NEK11: variants seen among roughly 807,000 people sequenced by gnomAD.
NEK11 encodes serine/threonine-protein kinase Nek11.
Under a neutral mutation model 80.7 loss-of-function variants are expected in NEK11, and 72 were observed. The observed-to-expected ratio is 0.89, with a 90% confidence interval of 0.74 to 1.08. The LOEUF (loss-of-function observed/expected upper bound fraction) is 1.08, where lower values mean the gene tolerates loss of function less well. Ranked by LOEUF, NEK11 falls within the 50% of genes least tolerant of loss-of-function variation. NEK11 has a pLI of 0.00. For synonymous variants in NEK11, 251 were observed against 260.7 expected, an observed-to-expected ratio of 0.96 and a Z score of 0.36; for missense variants, 764 against 763.6, an observed-to-expected ratio of 1.00 and a Z score of -0.01.
chr3:131,253,258 C>G (rs2095742330), intron 16 of NEK11, among the ~76,000 whole-genome samples: 1 of 152,062 alleles, frequency 6.6e-6, no homozygotes, highest in African/African-American at 2.4e-5. Flanking sequence ...ACATGGAAAA[C>G]AAATTGTCTT....
intron 17 of NEK11, among the ~76,000 whole-genome samples, chr3:131,308,164 G>A (rs754149577): frequency 2.0e-5 from 3 of 152,170 alleles, no homozygotes; most frequent in African/African-American, 7.2e-5. Context: ...TAATCAAGGA[G>A]TGTTAAAGCA....
chr3:131,173,836 G>A (rs958751636), intron 14 of NEK11, among the ~76,000 whole-genome samples: 4 of 152,074 alleles, frequency 2.6e-5, no homozygotes, highest in Non-Finnish European at 5.9e-5. Flanking sequence ...CAGTATGGTA[G>A]ACAGTGTGTT....
intron 5 of NEK11, among the ~76,000 whole-genome samples, chr3:131,118,904 G>C (rs1005270345): frequency 1.3e-5 from 2 of 151,660 alleles, no homozygotes; most frequent in Non-Finnish European, 2.9e-5. Flanking sequence ...CAATTTTGTT[G>C]ATCTTTTGAA....
At chr3:131,141,059 T>C (rs976205499) in intron 7 of NEK11, among the ~76,000 whole-genome samples, 2 of 152,094 alleles carry the variant, frequency 1.3e-5, no homozygotes, top group Admixed American at 6.6e-5. Flanking sequence ...ATTTATACCA[T>C]GGAAATTTGT....
chr3:131,341,129 A>G (rs2097278283), intron 17 of NEK11, among the ~76,000 whole-genome samples: 1 of 152,214 alleles, frequency 6.6e-6, no homozygotes, highest in Non-Finnish European at 1.5e-5. Flanking sequence ...ATTTCTATTT[A>G]TGAATCTAAA....
chr3:131,185,683 T>C (rs2093570209), intron 14 of NEK11, among the ~76,000 whole-genome samples: 1 of 152,212 alleles, frequency 6.6e-6, no homozygotes, highest in Non-Finnish European at 1.5e-5. Flanking sequence ...CTTTGAGCCA[T>C]TCCATATGCT....
chr3:131,142,569 T>A lies in NEK11; in HGVS notation c.647+8613T>A, dbSNP rs373984642. ...ATTCGGTCTTAATAGAGTGGCTGAG[T>A]AAATAACAGTTGGTTATGTAAGGAT... On this transcript the variant is annotated intron_variant, in intron 7 of 17. Coordinates refer to ENST00000383366, the MANE Select transcript of NEK11 (RefSeq NM_024800.5). Among the ~76,000 whole-genome samples, 412 of 152,262 alleles carry A rather than the reference T, an allele frequency of 2.7e-3. 8 individuals are homozygous for A. In the South Asian group the frequency reaches 0.028, roughly 10 times the overall value.
intron 14 of NEK11, among the ~76,000 whole-genome samples, chr3:131,228,078 TA>T (rs1036931801): frequency 4.0e-5 from 6 of 151,188 alleles, no homozygotes; most frequent in African/African-American, 7.3e-5. Flanking sequence ...CAGTAACATT[TA>T]AAAAAAAAGA....
At chr3:131,233,035 A>T (rs1034453167) in intron 15 of NEK11, among the ~76,000 whole-genome samples, 2 of 136,428 alleles carry the variant, frequency 1.5e-5, no homozygotes, top group Non-Finnish European at 3.2e-5. Flanking sequence ...GAAGGAAGGA[A>T]GGTTGGATGA....
intron 15 of NEK11, among the ~76,000 whole-genome samples, chr3:131,231,927 A>C (rs1477192698): frequency 6.6e-6 from 1 of 152,152 alleles, no homozygotes; most frequent in Non-Finnish European, 1.5e-5. Context: ...AAAGTCACAT[A>C]GTTATTTTGA....
At chr3:131,075,559 A>G (rs968025613) in intron 3 of NEK11, among the ~76,000 whole-genome samples, 25 of 152,262 alleles carry the variant, frequency 1.6e-4, no homozygotes, top group African/African-American at 5.8e-4. Flanking sequence ...GTTATATATC[A>G]TATTAAAAGA....
chr3:131,203,454 A>T (rs1228774938), intron 14 of NEK11, among the ~76,000 whole-genome samples: 1 of 150,416 alleles, frequency 6.6e-6, no homozygotes, highest in Non-Finnish European at 1.5e-5. Context: ...GGGGAGGGAT[A>T]GCATTAGGAG....
intron 17 of NEK11, among the ~76,000 whole-genome samples, chr3:131,317,301 G>A (rs932870341): frequency 2.6e-5 from 4 of 152,308 alleles, no homozygotes; most frequent in Non-Finnish European, 4.4e-5. Context: ...TCCTCAATAA[G>A]GGTTCCTGCC....
chr3:131,291,135 G>T (rs1233743504), intron 17 of NEK11, among the ~76,000 whole-genome samples: 2 of 151,930 alleles, frequency 1.3e-5, no homozygotes, highest in Non-Finnish European at 2.9e-5. Context: ...TCTTTTTACT[G>T]TCTCCACAGT....
At chr3:131,036,705 A>T (rs1489385054) in intron 3 of NEK11, among the ~76,000 whole-genome samples, 1 of 152,182 alleles carries the variant, frequency 6.6e-6, no homozygotes, top group Non-Finnish European at 1.5e-5. Flanking sequence ...TGGAGAGCTT[A>T]TTAAAACAGA....
At chr3:131,194,718 T>C (rs1348473933) in intron 14 of NEK11, among the ~76,000 whole-genome samples, 1 of 152,138 alleles carries the variant, frequency 6.6e-6, no homozygotes, top group Non-Finnish European at 1.5e-5. Context: ...ATACAAAATA[T>C]ATTTTCCCCT....
chr3:131,104,166 G>A (rs55980961), intron 4 of NEK11, among the ~76,000 whole-genome samples: 25,949 of 152,076 alleles, frequency 0.17, 2,318 homozygotes, highest in Middle Eastern at 0.21. Context: ...CAGGCTGTTT[G>A]TTCCCTTTCT....
intron 4 of NEK11, among the ~76,000 whole-genome samples, chr3:131,106,301 T>TC (rs1261844222): frequency 5.6e-5 from 8 of 143,704 alleles, no homozygotes; most frequent in Admixed American, 2.1e-4. Flanking sequence ...TTTTTTTTTT[T>TC]CCCATCCTTC....
At chr3:131,315,412 C>A (rs749866098) in intron 17 of NEK11, among the ~76,000 whole-genome samples, 5 of 151,978 alleles carry the variant, frequency 3.3e-5, no homozygotes, top group Non-Finnish European at 5.9e-5. Context: ...CCTCTAAGTT[C>A]ATCCACGCTG....
Sources: gnomAD v4.1 joint callset for allele counts (sites outside exome capture counted in the v4.1 genomes callset) on GRCh38, gnomAD v4.1.1 for gene constraint, MANE v1.5 for transcripts, NCBI Gene and HGNC (gene_info 2026-07-23, HGNC 2026-07-21) for gene names.